The following SV2C variants were observed in gnomAD, a reference collection of about 807,000 sequenced individuals.
The protein encoded by SV2C is synaptic vesicle glycoprotein 2C.
SV2C carries 49 observed loss-of-function variants against 79.7 expected under a neutral mutation model. The ratio of observed to expected loss-of-function variants is 0.61; its 90% confidence interval spans 0.49 to 0.78. SV2C has a LOEUF of 0.78. Ranked by LOEUF, SV2C falls within the 30% of genes least tolerant of loss-of-function variation. The pLI, the probability that SV2C is intolerant of heterozygous loss-of-function variation, is 0.00. For missense variants in SV2C, 833 were observed against 912.9 expected, an observed-to-expected ratio of 0.91 and a Z score of 1.13; for synonymous variants, 334 against 333.2, an observed-to-expected ratio of 1.00 and a Z score of -0.03.
chr5:76,322,162 G>C (rs974825738), intron 12 of SV2C, among the ~76,000 whole-genome samples: 16 of 151,996 alleles, frequency 1.1e-4, no homozygotes, highest in African/African-American at 3.1e-4. Context: ...AAAGAAAATA[G>C]AAAGCTGATA....
At chr5:76,307,720 T>C (rs895028753) in intron 12 of SV2C, among the ~76,000 whole-genome samples, 2 of 152,232 alleles carry the variant, frequency 1.3e-5, no homozygotes, top group Non-Finnish European at 2.9e-5. Flanking sequence ...TCACTTTAGA[T>C]AGTTTCCATT....
chr5:76,290,752 C>T lies in SV2C; in HGVS notation c.1138-469C>T, dbSNP rs144021692. 9.7e-4 allele frequency among the ~76,000 whole-genome samples: 148 copies of T among 152,218 alleles called. 1 individual carries two copies. Among genetic ancestry groups the T allele is most frequent in the African/African-American group, 3.3e-3 (135 of 41,528 alleles). ...GCTGTGGGAGAAGGAAGAAAAGGACCGGAAGTGGTGCTCTGAGAATAGTGA... is the reference window on the plus strand; with the variant it reads ...GCTGTGGGAGAAGGAAGAAAAGGACTGGAAGTGGTGCTCTGAGAATAGTGA... On this transcript the variant is annotated intron_variant, in intron 6 of 12. Transcript: ENST00000502798.
At chr5:75,908,806 A>G in the SV2C span, among the ~76,000 whole-genome samples, 4 of 152,182 alleles carry the variant, frequency 2.6e-5, no homozygotes, top group African/African-American at 9.6e-5. Flanking sequence ...ACCAGCCTCA[A>G]ACAGTACCTC....
chr5:75,899,094 T>A, the SV2C span, among the ~76,000 whole-genome samples: 2 of 152,220 alleles, frequency 1.3e-5, no homozygotes, highest in Non-Finnish European at 2.9e-5. Flanking sequence ...TTTTAGTTAT[T>A]TCTTGCCTTC....
intron 2 of SV2C, among the ~76,000 whole-genome samples, chr5:76,179,632 G>C (rs951772711): frequency 1.3e-5 from 2 of 152,318 alleles, no homozygotes; most frequent in Admixed American, 6.5e-5. Flanking sequence ...GGATCGAGGA[G>C]CCCTCGTGTG....
At chr5:76,058,751 T>C in the SV2C span, among the ~76,000 whole-genome samples, 1 of 152,078 alleles carries the variant, frequency 6.6e-6, no homozygotes, top group African/African-American at 2.4e-5. Context: ...GTAAAGCAAA[T>C]CTAATCACAG....
the SV2C span, among the ~76,000 whole-genome samples, chr5:75,857,316 C>T: frequency 6.6e-6 from 1 of 152,038 alleles, no homozygotes; most frequent in Non-Finnish European, 1.5e-5. Flanking sequence ...TAGTGTCTTT[C>T]TTCTGCATAT....
intron 4 of SV2C, among the ~76,000 whole-genome samples, chr5:76,254,118 G>C (rs1011129283): frequency 6.6e-6 from 1 of 150,774 alleles, no homozygotes; most frequent in Non-Finnish European, 1.5e-5. Context: ...CCACCTCCCT[G>C]TCTCTATTAT....
the SV2C span, among the ~76,000 whole-genome samples, chr5:76,075,301 T>C: frequency 6.6e-6 from 1 of 152,210 alleles, no homozygotes; most frequent in Non-Finnish European, 1.5e-5. Flanking sequence ...AAAAGCTGTC[T>C]AGAAATCTTC....
At chr5:75,953,242 C>G in the SV2C span, among the ~76,000 whole-genome samples, 1 of 151,944 alleles carries the variant, frequency 6.6e-6, no homozygotes, top group African/African-American at 2.4e-5. Flanking sequence ...TAGCTCTTCT[C>G]CCTCCCAAGG....
chr5:75,991,679 A>G, the SV2C span, among the ~76,000 whole-genome samples: 2 of 149,630 alleles, frequency 1.3e-5, no homozygotes, highest in East Asian at 2.0e-4. Context: ...ATATATAGAT[A>G]TATATTTGCA....
intron 4 of SV2C, among the ~76,000 whole-genome samples, chr5:76,211,725 G>A (rs1744773853): frequency 6.6e-6 from 1 of 152,174 alleles, no homozygotes; most frequent in South Asian, 2.1e-4. Context: ...CAACCTTGGT[G>A]AAATTGACTC....
intron 12 of SV2C, among the ~76,000 whole-genome samples, chr5:76,342,916 A>C (rs1453849395): frequency 3.7e-5 from 5 of 135,988 alleles, no homozygotes; most frequent in African/African-American, 1.4e-4. Context: ...AGAGATGGGG[A>C]TCTTGCTATG....
At chr5:76,323,743 T>C (rs575024933) in intron 12 of SV2C, among the ~76,000 whole-genome samples, 1 of 152,198 alleles carries the variant, frequency 6.6e-6, no homozygotes, top group Non-Finnish European at 1.5e-5. Context: ...TGCAGGGACA[T>C]GGATGAAGCT....
chr5:76,034,959 C>CT, the SV2C span, among the ~76,000 whole-genome samples: 6 of 152,218 alleles, frequency 3.9e-5, no homozygotes, highest in African/African-American at 9.6e-5. Context: ...GATTCAAGTT[C>CT]TCCTGGTTTA....
the SV2C span, among the ~76,000 whole-genome samples, chr5:75,934,302 C>CTTTTTTTTTTTTTTTTTT: frequency 1.9e-4 from 20 of 107,828 alleles, 1 homozygote; most frequent in African/African-American, 7.2e-4. Context: ...TTCTTTCTTT[C>CTTTTTTTTTTTTTTTTTT]TTTTTTTTTT....
chr5:76,139,733 CA>C (rs1420199605), intron 2 of SV2C, among the ~76,000 whole-genome samples: 95 of 152,128 alleles, frequency 6.2e-4, no homozygotes, highest in African/African-American at 2.1e-3. Flanking sequence ...TAGCTAGAGT[CA>C]ATTGGTATAC....
intron 4 of SV2C, among the ~76,000 whole-genome samples, chr5:76,241,553 G>GT (rs1745786112): frequency 6.6e-6 from 1 of 152,150 alleles, no homozygotes; most frequent in African/African-American, 2.4e-5. Flanking sequence ...TGCCATCTCA[G>GT]TGGCATCACT....
chr5:76,104,270 A>G (rs1195361254), intron 1 of SV2C, among the ~76,000 whole-genome samples: 1 of 152,244 alleles, frequency 6.6e-6, no homozygotes, highest in Non-Finnish European at 1.5e-5. Flanking sequence ...ATGCCTGGCC[A>G]GTCCAACAAA....
Sources: allele counts gnomAD v4.1 joint callset (sites outside exome capture counted in the v4.1 genomes callset), GRCh38; gene constraint gnomAD v4.1.1; transcripts MANE v1.5; gene names NCBI Gene and HGNC (gene_info 2026-07-23, HGNC 2026-07-21).